ADK: variants seen among roughly 807,000 people sequenced by gnomAD.
ADK encodes the protein adenosine kinase, also known as N6,N6-dimethyladenosine kinase.
In ADK, 24 loss-of-function variants were observed where a neutral mutation model predicts 44.7. The ratio of observed to expected loss-of-function variants is 0.54; its 90% CI spans 0.39 to 0.76. ADK has a LOEUF of 0.76. Ranked by LOEUF, ADK falls within the 30% of genes least tolerant of loss-of-function variation. The pLI, the probability that ADK is intolerant of heterozygous loss-of-function variation, is 0.00. For missense variants in ADK, 321 were observed against 425.1 expected, an observed-to-expected ratio of 0.76 and a Z score of 2.15; for synonymous variants, 128 against 142.6, an observed-to-expected ratio of 0.90 and a Z score of 0.73.
intron 8 of ADK, among the ~76,000 whole-genome samples, chr10:74,590,089 A>G (rs1050716917): frequency 2.0e-5 from 3 of 152,208 alleles, no homozygotes; most frequent in Non-Finnish European, 4.4e-5. Flanking sequence ...GTTAGAAAAC[A>G]CTGACTAATA....
chr10:74,488,374 CGT>C (rs60178427), intron 6 of ADK, among the ~76,000 whole-genome samples: 4,745 of 140,436 alleles, frequency 0.034, 132 homozygotes, highest in African/African-American at 0.069. Context: ...GGAAAAAAGA[CGT>C]GTGTGTGTGT....
chr10:74,668,980 T>A (rs1267438924), intron 9 of ADK, among the ~76,000 whole-genome samples: 1 of 150,672 alleles, frequency 6.6e-6, no homozygotes, highest in Non-Finnish European at 1.5e-5. Context: ...GAGGTCAAGG[T>A]TGGAGTGTGT....
intron 1 of ADK, among the ~76,000 whole-genome samples, chr10:74,164,400 G>T (rs960451899): frequency 1.3e-5 from 2 of 151,942 alleles, no homozygotes; most frequent in Admixed American, 6.6e-5. Flanking sequence ...GCTGGGCATG[G>T]TGGTGGGCGC....
At chr10:74,255,409 G>A (rs1845789985) in intron 3 of ADK, among the ~76,000 whole-genome samples, 1 of 151,390 alleles carries the variant, frequency 6.6e-6, no homozygotes, top group Admixed American at 6.6e-5. Flanking sequence ...AACAGGTTTT[G>A]CAACACTTTT....
chr10:74,627,819 C>T lies in ADK; in HGVS notation c.877+27326C>T, dbSNP rs1466323222. Among the ~76,000 whole-genome samples the T allele has an allele frequency of 2.0e-5, 3 of 151,950 alleles. No homozygotes were observed. The East Asian group carries it at 5.8e-4, about 29-fold the overall frequency. On this transcript the variant is annotated intron_variant, in intron 9 of 10. Coordinates refer to ENST00000539909, the MANE Select transcript of ADK (RefSeq NM_006721.4). ...GGCTAATTTTTTTTGGTATTGTTAG[C>T]AGAGATGGGGTTTCACCGTGTTGGC... is the stretch of plus-strand genomic sequence containing the variant.
At chr10:74,381,222 AG>A (rs2132005337) in intron 4 of ADK, among the ~76,000 whole-genome samples, 2 of 152,352 alleles carry the variant, frequency 1.3e-5, no homozygotes, top group South Asian at 4.1e-4. Context: ...CATAGCCAAA[AG>A]AGTGTACTTT....
chr10:74,662,264 C>T (rs1293335675), intron 9 of ADK, among the ~76,000 whole-genome samples: 2 of 152,084 alleles, frequency 1.3e-5, no homozygotes, highest in South Asian at 2.1e-4. Flanking sequence ...GTCCATTGTC[C>T]GTTCTCTATC....
intron 6 of ADK, among the ~76,000 whole-genome samples, chr10:74,491,463 C>T (rs900677133): frequency 5.3e-5 from 8 of 152,032 alleles, no homozygotes; most frequent in African/African-American, 1.4e-4. Context: ...GTAATGAACC[C>T]CATCTACCCA....
intron 9 of ADK, among the ~76,000 whole-genome samples, chr10:74,634,947 GA>G (rs538744532): frequency 2.0e-5 from 3 of 151,520 alleles, no homozygotes; most frequent in African/African-American, 4.9e-5. Flanking sequence ...CTCCATCTCA[GA>G]AAAAAAACCC....
chr10:74,368,483 G>A (rs540508222), intron 4 of ADK, among the ~76,000 whole-genome samples: 47 of 151,402 alleles, frequency 3.1e-4, no homozygotes, highest in Non-Finnish European at 5.7e-4. Context: ...CATTTACTAC[G>A]TAGAGGCTGT....
chr10:74,486,581 T>G (rs1847275680), intron 6 of ADK, among the ~76,000 whole-genome samples: 1 of 152,166 alleles, frequency 6.6e-6, no homozygotes. Context: ...TTAGTCAAAA[T>G]TTATTTACTT....
rs550841471 is a variant in ADK at position 74,299,069 on chromosome 10, A to T, written c.195-15598A>T. Among the ~76,000 whole-genome samples, 13 of 152,346 alleles carry T rather than the reference A, an allele frequency of 8.5e-5. No individual in the cohort carries two copies. In the South Asian group the frequency reaches 2.7e-3, roughly 32 times the overall value. Reference sequence around the variant, plus strand: ...CCAATGCTGAGTTTGAAGTGACTGAAAAATTAGCTTTCATGAAAAGTCGAT... The same window carrying T: ...CCAATGCTGAGTTTGAAGTGACTGATAAATTAGCTTTCATGAAAAGTCGAT... On this transcript the variant is annotated intron_variant, in intron 3 of 10. Transcript: ENST00000539909.
intron 7 of ADK, among the ~76,000 whole-genome samples, chr10:74,532,919 CAAAAAAAAAAAA>C (rs35774493): frequency 1.3e-5 from 1 of 75,532 alleles, no homozygotes; most frequent in Non-Finnish European, 2.3e-5. Flanking sequence ...GACTCTGTCT[CAAAAAAAAAAAA>C]AAAAAAAAAG....
chr10:74,585,850 C>T (rs1467114557), intron 7 of ADK, among the ~76,000 whole-genome samples: 1 of 152,180 alleles, frequency 6.6e-6, no homozygotes, highest in Non-Finnish European at 1.5e-5. Context: ...TGGGGACTTG[C>T]TTGTTTTCTT....
chr10:74,557,496 T>C (rs1850302422), intron 7 of ADK, among the ~76,000 whole-genome samples: 2 of 152,226 alleles, frequency 1.3e-5, no homozygotes, highest in South Asian at 2.1e-4. Context: ...TAGAAACAGA[T>C]AATGCAGAGA....
chr10:74,704,332 AT>A (rs1564861346), intron 10 of ADK, among the ~76,000 whole-genome samples: 2 of 152,170 alleles, frequency 1.3e-5, no homozygotes, highest in Non-Finnish European at 2.9e-5. Context: ...AAAATAGTAA[AT>A]TTTATGTTAC....
chr10:74,639,252 A>G (rs749967822), intron 9 of ADK, among the ~76,000 whole-genome samples: 81 of 152,242 alleles, frequency 5.3e-4, no homozygotes, highest in African/African-American at 1.8e-3. Flanking sequence ...CTTAGGGTGT[A>G]GTCATATACT....
intron 9 of ADK, among the ~76,000 whole-genome samples, chr10:74,651,881 G>T (rs931747123): frequency 2.0e-5 from 3 of 152,014 alleles, no homozygotes; most frequent in Non-Finnish European, 4.4e-5. Context: ...AATGTGCTGA[G>T]GTAAGAAGCC....
At chr10:74,375,253 A>G (rs559533907) in intron 4 of ADK, among the ~76,000 whole-genome samples, 53 of 152,280 alleles carry the variant, frequency 3.5e-4, no homozygotes, top group African/African-American at 1.2e-3. Context: ...ATGATGCATT[A>G]CCATCCCCAT....
Sources: gnomAD v4.1 joint callset for allele counts (sites outside exome capture counted in the v4.1 genomes callset) on GRCh38, gnomAD v4.1.1 for gene constraint, MANE v1.5 for transcripts, NCBI Gene and HGNC (gene_info 2026-07-23, HGNC 2026-07-21) for gene names.